PLD1: variants seen among roughly 807,000 people sequenced by gnomAD.
PLD1 encodes the protein choline phosphatase 1.
In PLD1, 112 loss-of-function variants were observed where a neutral mutation model predicts 137.1. That is an observed-to-expected ratio of 0.82 (90% CI 0.70 to 0.96). PLD1 has a LOEUF of 0.96. Ranked by LOEUF, PLD1 falls within the 40% of genes least tolerant of loss-of-function variation. The pLI is 0.00. For synonymous variants in PLD1, 431 were observed against 454.7 expected (o/e 0.95, Z 0.66); for missense variants, 1,321 against 1,342.0 (o/e 0.98, Z 0.24).
chr3:171,611,975 G>A (rs1452193494), intron 25 of PLD1, among the ~76,000 whole-genome samples: 1 of 152,116 alleles, frequency 6.6e-6, no homozygotes, highest in African/African-American at 2.4e-5. Context: ...CCAGCTACTC[G>A]GAATGCTGAG....
chr3:171,682,174 G>GA (rs1714082322), intron 16 of PLD1, among the ~76,000 whole-genome samples: 1 of 125,032 alleles, frequency 8.0e-6, no homozygotes, highest in Admixed American at 7.7e-5. Flanking sequence ...GAAAAAGAAA[G>GA]AAAGAAAGAA....
chr3:171,610,177 C>G (rs1732540817), intron 25 of PLD1, among the ~76,000 whole-genome samples: 1 of 152,054 alleles, frequency 6.6e-6, no homozygotes, highest in Non-Finnish European at 1.5e-5. Context: ...AAGGTATCTA[C>G]AAACATACCC....
chr3:171,680,486 G>A (rs546279743), intron 16 of PLD1, among the ~76,000 whole-genome samples: 46 of 151,690 alleles, frequency 3.0e-4, no homozygotes, highest in Non-Finnish European at 5.7e-4. Context: ...TGCCTGCCTC[G>A]GCCTCCCAAA....
intron 1 of PLD1, among the ~76,000 whole-genome samples, chr3:171,786,792 T>C (rs923247054): frequency 3.9e-5 from 6 of 152,318 alleles, no homozygotes; most frequent in Admixed American, 1.3e-4. Context: ...AAATATCTCA[T>C]CTGACAAAAC....
chr3:171,766,978 T>G (rs893813471), intron 1 of PLD1, among the ~76,000 whole-genome samples: 4 of 152,234 alleles, frequency 2.6e-5, no homozygotes, highest in Admixed American at 6.5e-5. Flanking sequence ...TTTAAAAAAA[T>G]ATATGTCTCA....
At chr3:171,663,704 G>T (rs1326045021) in intron 19 of PLD1, among the ~76,000 whole-genome samples, 4 of 152,176 alleles carry the variant, frequency 2.6e-5, no homozygotes, top group African/African-American at 4.8e-5. Flanking sequence ...GCAGTATGAT[G>T]TTGGCATATA....
chr3:171,723,066 C>T (rs1168064459), intron 8 of PLD1, among the ~76,000 whole-genome samples: 1 of 152,032 alleles, frequency 6.6e-6, no homozygotes, highest in Non-Finnish European at 1.5e-5. Context: ...ACTATAGTCA[C>T]CTGTTGTGCT....
At chr3:171,677,231 C>T (rs2276794) in intron 17 of PLD1, among the ~76,000 whole-genome samples, 70,144 of 151,666 alleles carry the variant, frequency 0.46, 16,533 homozygotes, top group African/African-American at 0.54. Context: ...GCCATTCTAA[C>T]GCTGGAAATG....
intron 1 of PLD1, among the ~76,000 whole-genome samples, chr3:171,804,512 G>A (rs1435058670): frequency 6.6e-6 from 1 of 152,150 alleles, no homozygotes; most frequent in East Asian, 1.9e-4. Context: ...GGACACTGGA[G>A]ACACAAAAAT....
intron 13 of PLD1, among the ~76,000 whole-genome samples, chr3:171,689,958 G>A (rs1320290332): frequency 6.6e-6 from 1 of 152,182 alleles, no homozygotes; most frequent in African/African-American, 2.4e-5. Flanking sequence ...AAAAGATTGA[G>A]AAAGATTGGT....
intron 2 of PLD1, 99 bp downstream of exon 2, chr3:171,737,793 G>T: frequency 7.1e-7 from 1 of 1,412,238 alleles, no homozygotes; most frequent in Non-Finnish European, 9.7e-7. Flanking sequence ...TGTTACATCT[G>T]CAAGGAAAAT....
At chr3:171,606,126 G>T (rs1009189326) in intron 25 of PLD1, among the ~76,000 whole-genome samples, 3 of 152,210 alleles carry the variant, frequency 2.0e-5, no homozygotes, top group Admixed American at 2.0e-4. Flanking sequence ...GGTGGCAGTG[G>T]AGATGAAGAT....
At chr3:171,670,143 A>G (rs936798662) in intron 19 of PLD1, among the ~76,000 whole-genome samples, 1 of 149,582 alleles carries the variant, frequency 6.7e-6, no homozygotes, top group Non-Finnish European at 1.5e-5. Context: ...GGGTACAGGG[A>G]ATAGGGTGGA....
intron 16 of PLD1, among the ~76,000 whole-genome samples, chr3:171,685,982 G>A (rs1309355234): frequency 2.0e-5 from 3 of 152,038 alleles, no homozygotes; most frequent in Non-Finnish European, 4.4e-5. Flanking sequence ...AGCCAGGCAC[G>A]GTCATGCACG....
At chr3:171,676,871 T>G (rs754440487) in intron 17 of PLD1, 38 bp from the exon 18 acceptor site, 1 of 1,444,178 alleles carries the variant, frequency 6.9e-7, no homozygotes, top group East Asian at 2.3e-5. Flanking sequence ...GTCATTAACT[T>G]CAGTGTTGGG....
At chr3:171,764,854 A>G (rs1721719457) in intron 1 of PLD1, among the ~76,000 whole-genome samples, 1 of 22,878 alleles carries the variant, frequency 4.4e-5, no homozygotes, top group Non-Finnish European at 9.2e-5. Flanking sequence ...AAAGAAAGAA[A>G]GAAAGAAAGA....
In PLD1 at chr3:171,692,419, T is replaced by C. The variant is rs1715270467; in HGVS notation, c.1251A>G (p.Ile417Met). The change falls in exon 13 of 27, where the codon ATA becomes ATG. Residue 417 changes from isoleucine (I) to methionine (M), a missense_variant. Transcript: ENST00000351298. ...CGAGTTCCACCTCTTTGTAGAGCAT[T>C]ATGAAGATCCTCACTCCTTGTTGCT... Reference protein sequence around the residue: ...RKAQQGVRIFIMLYKEVELAL... With the variant: ...RKAQQGVRIFMMLYKEVELAL... The C allele has an allele frequency of 1.3e-6, 2 of 1,591,854 alleles. No individual in the cohort carries two copies. Among genetic ancestry groups the C allele is most frequent in the Non-Finnish European group, 8.6e-7 (1 of 1,159,832 alleles).
chr3:171,755,377 C>T (rs1408037928), intron 1 of PLD1, among the ~76,000 whole-genome samples: 1 of 152,140 alleles, frequency 6.6e-6, no homozygotes, highest in African/African-American at 2.4e-5. Context: ...ACGAAGGACA[C>T]TTCCCCATTC....
At chr3:171,789,615 A>G (rs1723143676) in intron 1 of PLD1, 1 of 152,248 alleles carries the variant, frequency 6.6e-6, no homozygotes, top group Admixed American at 6.5e-5. Context: ...CTTTCCATTC[A>G]TTTTAAAAGC....
Sources: allele counts gnomAD v4.1 joint callset (sites outside exome capture counted in the v4.1 genomes callset), GRCh38; gene constraint gnomAD v4.1.1; transcripts MANE v1.5; gene names NCBI Gene and HGNC (gene_info 2026-07-23, HGNC 2026-07-21).